MAGI2: variants seen among roughly 807,000 people sequenced by gnomAD.
The protein encoded by MAGI2 is membrane-associated guanylate kinase, WW and PDZ domain-containing protein 2.
Under a neutral mutation model 133.3 loss-of-function variants are expected in MAGI2, and 35 were observed. The ratio of observed to expected loss-of-function variants is 0.26; its 90% CI spans 0.20 to 0.35. The LOEUF is 0.35. Ranked by LOEUF, MAGI2 falls within the 10% of genes least tolerant of loss-of-function variation. The pLI is 1.00. For missense variants in MAGI2, 1,636 were observed against 1,863.4 expected, an observed-to-expected ratio of 0.88 and a Z score of 2.25; for synonymous variants, 729 against 710.6, an observed-to-expected ratio of 1.03 and a Z score of -0.41.
chr7:78,587,159 G>A lies in MAGI2; in HGVS notation c.538+39961C>T, dbSNP rs1000043881. 6.6e-5 allele frequency among the ~76,000 whole-genome samples: 10 copies of A among 152,268 alleles called. 1 individual carries two copies. Among genetic ancestry groups the A allele is most frequent in the Admixed American group, 6.5e-4 (10 of 15,304 alleles). ...TGATATTTTGAGGAACCACTATACTGTTTTCCATAGCAGCTGCACCATTTT... is the reference window on the plus strand; with the variant it reads ...TGATATTTTGAGGAACCACTATACTATTTTCCATAGCAGCTGCACCATTTT... On this transcript the variant is annotated intron_variant, in intron 3 of 21. Transcript: ENST00000354212.
intron 10 of MAGI2, among the ~76,000 whole-genome samples, chr7:78,243,259 ACACACACACACTCTCTCTCT>A (rs1450622040): frequency 2.4e-4 from 19 of 78,416 alleles, no homozygotes; most frequent in African/African-American, 9.7e-4. Context: ...ACACACACAC[ACACACACACACTCTCTCTCT>A]CTCTCTCTTA....
chr7:78,422,524 T>C (rs1297793739), intron 6 of MAGI2, among the ~76,000 whole-genome samples: 1 of 151,540 alleles, frequency 6.6e-6, no homozygotes, highest in Non-Finnish European at 1.5e-5. Context: ...CATTATTTTC[T>C]CTCTCCTTAG....
chr7:79,317,583 T>TAAAAGATGATA (rs1186152742), intron 1 of MAGI2, among the ~76,000 whole-genome samples: 1 of 152,206 alleles, frequency 6.6e-6, no homozygotes, highest in Non-Finnish European at 1.5e-5. Flanking sequence ...GTAATCGATA[T>TAAAAGATGATA]AAAAATTTCA....
At chr7:78,181,318 T>TCATCTAATA (rs1482309757) in intron 13 of MAGI2, among the ~76,000 whole-genome samples, 1 of 152,250 alleles carries the variant, frequency 6.6e-6, no homozygotes, top group Admixed American at 6.5e-5. Flanking sequence ...TGAGGGTGTC[T>TCATCTAATA]GGTAGACACC....
intron 6 of MAGI2, among the ~76,000 whole-genome samples, chr7:78,404,556 G>C (rs944470125): frequency 1.3e-5 from 2 of 151,762 alleles, no homozygotes; most frequent in East Asian, 1.9e-4. Context: ...CTGACAAAAA[G>C]AAGAAATGGG....
At chr7:78,672,350 G>T (rs1269279531) in intron 2 of MAGI2, among the ~76,000 whole-genome samples, 1 of 152,062 alleles carries the variant, frequency 6.6e-6, no homozygotes, top group East Asian at 1.9e-4. Context: ...AAAGCTTCCT[G>T]AGATCCTAAC....
chr7:78,128,839 G>T (rs538147454), intron 18 of MAGI2, among the ~76,000 whole-genome samples: 1 of 152,154 alleles, frequency 6.6e-6, no homozygotes, highest in East Asian at 1.9e-4. Flanking sequence ...GCATAATTTC[G>T]GCCTTGCTTT....
At chr7:78,638,250 A>G (rs1465255274) in intron 2 of MAGI2, among the ~76,000 whole-genome samples, 1 of 152,188 alleles carries the variant, frequency 6.6e-6, no homozygotes, top group Non-Finnish European at 1.5e-5. Context: ...TTTAATTACC[A>G]ACAGTACCAA....
At chr7:79,128,560 A>G (rs1820635778) in intron 1 of MAGI2, among the ~76,000 whole-genome samples, 1 of 152,174 alleles carries the variant, frequency 6.6e-6, no homozygotes, top group East Asian at 1.9e-4. Context: ...CAAATATGCT[A>G]CAGGGGAACT....
intron 2 of MAGI2, among the ~76,000 whole-genome samples, chr7:78,745,327 A>T (rs1822824797): frequency 6.6e-6 from 1 of 152,124 alleles, no homozygotes; most frequent in African/African-American, 2.4e-5. Context: ...TGCATTTCCC[A>T]CAGTACCAGT....
intron 2 of MAGI2, among the ~76,000 whole-genome samples, chr7:78,820,655 T>G (rs889176733): frequency 6.6e-6 from 1 of 151,980 alleles, no homozygotes; most frequent in African/African-American, 2.4e-5. Flanking sequence ...AAAGATGATA[T>G]GCTACTTGAC....
rs150784458 is a variant in MAGI2, at chr7:78,242,720, C to T, written c.2047+13223G>A. ...AGCTATTCTCTTTCATAGCTTAAAT[C>T]TGTTTTGATAACTTCTTAAGTCTTT... On this transcript the variant is annotated intron_variant, in intron 10 of 21. Transcript: ENST00000354212. 4.4e-3 allele frequency among the ~76,000 whole-genome samples: 669 copies of T among 152,112 alleles called. 3 individuals are homozygous for T. The highest frequency in any genetic ancestry group is 0.015 in the African/African-American group (628 of 41,504).
At chr7:79,408,075 C>T (rs1052750771) in intron 1 of MAGI2, among the ~76,000 whole-genome samples, 1 of 151,886 alleles carries the variant, frequency 6.6e-6, no homozygotes, top group Non-Finnish European at 1.5e-5. Context: ...AATATTATGC[C>T]CCGTTTTAAA....
chr7:78,774,143 C>T (rs2151325508), intron 2 of MAGI2, among the ~76,000 whole-genome samples: 1 of 152,254 alleles, frequency 6.6e-6, no homozygotes, highest in Middle Eastern at 3.4e-3. Context: ...CAAATGCAGG[C>T]CACCTCTAAA....
rs1554522951 is a variant in MAGI2, at chr7:78,675,275, T to TTGC, written c.419-48037_419-48036insGCA. On this transcript the variant is annotated intron_variant, in intron 2 of 21. Coordinates refer to ENST00000354212, the MANE Select transcript of MAGI2 (RefSeq NM_012301.4). The stretch of plus-strand genomic sequence containing the variant: ...GTTGTTGTTGTTGTTGTTGTTGTTG[T>TTGC]TGATGTATTGTGTGTTTGAATGTGT... Among the ~76,000 whole-genome samples, 4 of 149,710 alleles carry TTGC rather than the reference T, an allele frequency of 2.7e-5. 1 individual carries two copies. The highest frequency in any genetic ancestry group is 5.9e-5 in the Non-Finnish European group (4 of 67,320).
chr7:78,400,665 C>T (rs1442424516), intron 6 of MAGI2, among the ~76,000 whole-genome samples: 2 of 152,130 alleles, frequency 1.3e-5, no homozygotes, highest in African/African-American at 4.8e-5. Context: ...AGCGTTAATT[C>T]TGAGACAAAT....
In MAGI2 at chr7:79,208,130, A is replaced by G. The variant is rs142147271; in HGVS notation, c.302-200924T>C. 2.0e-4 allele frequency among the ~76,000 whole-genome samples: 30 copies of G among 152,062 alleles called. No homozygotes were observed. In the East Asian group the frequency reaches 4.2e-3, roughly 22 times the overall value. ...ACTGCATGACATTGGACTGGGCAAT[A>G]ACTTTTTAAATAGGATCCCCAAAAC... On this transcript the variant is annotated intron_variant, in intron 1 of 21. Transcript: ENST00000354212.
chr7:78,326,787 C>T (rs1478941478), intron 9 of MAGI2, among the ~76,000 whole-genome samples: 2 of 152,014 alleles, frequency 1.3e-5, no homozygotes, highest in African/African-American at 2.4e-5. Flanking sequence ...TCATTAAAGC[C>T]CCAACACCAA....
At position 78,674,791 on chromosome 7, in the gene MAGI2, G is replaced by T. The variant is rs146558496; in HGVS notation, c.419-47552C>A. Reference sequence around the variant, plus strand: ...TTTAAAAGACCATGGACAGTTACTAGAGTTTATGTAATGTAATTATAAGTT... The same window carrying T: ...TTTAAAAGACCATGGACAGTTACTATAGTTTATGTAATGTAATTATAAGTT... On this transcript the variant is annotated intron_variant, in intron 2 of 21. Transcript: ENST00000354212. Among the ~76,000 whole-genome samples, 883 of 152,160 alleles carry T rather than the reference G, an allele frequency of 5.8e-3. 8 individuals are homozygous for T. Among genetic ancestry groups the T allele is most frequent in the African/African-American group, 0.02 (837 of 41,538 alleles).
Sources: allele counts gnomAD v4.1 joint callset (sites outside exome capture counted in the v4.1 genomes callset), GRCh38; gene constraint gnomAD v4.1.1; transcripts MANE v1.5; gene names NCBI Gene and HGNC (gene_info 2026-07-23, HGNC 2026-07-21).